The following ANKRD17 variants were observed in gnomAD, a reference collection of about 807,000 sequenced individuals.
The protein encoded by ANKRD17 is ankyrin repeat domain-containing protein 17.
Under a neutral mutation model 229.7 loss-of-function variants are expected in ANKRD17, and 19 were observed. The ratio of observed to expected loss-of-function variants is 0.08; its 90% CI spans 0.06 to 0.12. ANKRD17 has a LOEUF of 0.12. Ranked by LOEUF, ANKRD17 falls within the 10% of genes least tolerant of loss-of-function variation. The pLI is 1.00. For synonymous variants in ANKRD17, 1,112 were observed against 1,146.1 expected, an observed-to-expected ratio of 0.97 and a Z score of 0.60; for missense variants, 2,176 against 3,176.8, an observed-to-expected ratio of 0.68 and a Z score of 7.57.
chr4:73,073,990 TTTA>T lies in ANKRD17; in HGVS notation c.*2238_*2240del, dbSNP rs2110071090. On this transcript the variant is annotated 3_prime_UTR_variant, in exon 34 of 34. Coordinates refer to ENST00000358602, the MANE Select transcript of ANKRD17 (RefSeq NM_032217.5). ...ATGGTCTCAAAAAGTTATGGGTTTT[TTTA>T]TTGTTCAAATAAAAGTGCACTGCAT... 6.6e-6 allele frequency: 1 copy of T among 152,172 alleles called. No homozygotes were observed. Among genetic ancestry groups the T allele is most frequent in the South Asian group, 2.1e-4 (1 of 4,832 alleles). 9.4% of individuals were successfully genotyped at this position (152,172 alleles called of 1,614,324 possible). A position where few individuals can be genotyped will look rare whatever the true frequency, so the allele number is the denominator to read the frequency against.
Position 73,101,191 on chromosome 4 carries a change from C to T in ANKRD17, c.4573+1185G>A, listed in dbSNP as rs189861604. On this transcript the variant is annotated intron_variant, in intron 25 of 33. Coordinates refer to ENST00000358602, the MANE Select transcript of ANKRD17 (RefSeq NM_032217.5). Reference sequence around the variant, plus strand: ...ACCATCCCCTGTGGATATAAAGGGACAGGATTACTATACTTCCATCCCAAA... The same window carrying T: ...ACCATCCCCTGTGGATATAAAGGGATAGGATTACTATACTTCCATCCCAAA... 22 of 968,662 alleles carry T rather than the reference C, an allele frequency of 2.3e-5. 2 individuals carry two copies. The Admixed American group carries it at 1.4e-3, about 60-fold the overall frequency. 60.0% of individuals were successfully genotyped at this position (968,662 alleles called of 1,614,324 possible).
At chr4:73,085,486 C>T (rs1466121421) in intron 29 of ANKRD17, 40 bp from the exon 30 acceptor site, 1 of 1,529,482 alleles carries the variant, frequency 6.5e-7, no homozygotes, top group Middle Eastern at 1.8e-4. Flanking sequence ...AATAGTTACT[C>T]CTGCAAGAAA....
At chr4:73,246,964 A>G (rs185928472) in intron 1 of ANKRD17, among the ~76,000 whole-genome samples, 1 of 152,294 alleles carries the variant, frequency 6.6e-6, no homozygotes, top group East Asian at 1.9e-4. Flanking sequence ...AGAAGTCATA[A>G]AAGAATAATA....
At chr4:73,134,977 A>T in intron 16 of ANKRD17, 140 bp downstream of exon 16, 2 of 777,870 alleles carry the variant, frequency 2.6e-6, no homozygotes, top group Non-Finnish European at 3.8e-6. Flanking sequence ...TTAAATGTGA[A>T]CTTTAATTAA....
chr4:73,252,311 T>G (rs1359133106), intron 1 of ANKRD17, among the ~76,000 whole-genome samples: 1 of 152,038 alleles, frequency 6.6e-6, no homozygotes, highest in African/African-American at 2.4e-5. Flanking sequence ...GAAAAGAGAG[T>G]AGGCATAAGG....
At chr4:73,254,699 T>C (rs1166140950) in intron 1 of ANKRD17, among the ~76,000 whole-genome samples, 1 of 145,220 alleles carries the variant, frequency 6.9e-6, no homozygotes, top group Non-Finnish European at 1.5e-5. Flanking sequence ...ACCCGGGAGG[T>C]GGAAGTTGCA....
chr4:73,189,093 A>G (rs2149052049), intron 1 of ANKRD17, among the ~76,000 whole-genome samples: 1 of 152,322 alleles, frequency 6.6e-6, no homozygotes, highest in Non-Finnish European at 1.5e-5. Context: ...AAAATTACAT[A>G]GCATTATTAT....
intron 1 of ANKRD17, among the ~76,000 whole-genome samples, chr4:73,203,758 C>CAAAAAAAAAAAAAAAA (rs67020753): frequency 3.0e-4 from 25 of 82,122 alleles, no homozygotes; most frequent in Middle Eastern, 0.01. Context: ...GACTCCGTCT[C>CAAAAAAAAAAAAAAAA]AAAAAAAAAA....
At chr4:73,109,106 C>T (rs1724990122) in intron 24 of ANKRD17, among the ~76,000 whole-genome samples, 1 of 152,078 alleles carries the variant, frequency 6.6e-6, no homozygotes, top group South Asian at 2.1e-4. Context: ...TCGAGACCAG[C>T]CTGGCTAACA....
In ANKRD17 at chr4:73,076,304, G is replaced by T; in HGVS notation, c.7753-14C>A. ...TCCAGTCCACACCTATGAATATAGAGCATGCATTTTACAAAATATATATCT... is the reference window on the plus strand; with the variant it reads ...TCCAGTCCACACCTATGAATATAGATCATGCATTTTACAAAATATATATCT... On this transcript the variant is annotated splice_polypyrimidine_tract_variant and intron_variant, in intron 33 of 33. Coordinates refer to ENST00000358602, the MANE Select transcript of ANKRD17 (RefSeq NM_032217.5). The T allele has an allele frequency of 6.4e-7, 1 of 1,565,142 alleles. No homozygotes were observed. Among genetic ancestry groups the T allele is most frequent in the Non-Finnish European group, 8.6e-7 (1 of 1,158,346 alleles).
chr4:73,198,757 C>A (rs1282116197), intron 1 of ANKRD17, among the ~76,000 whole-genome samples: 2 of 151,964 alleles, frequency 1.3e-5, no homozygotes, highest in Admixed American at 6.6e-5. Context: ...GACATCTGGC[C>A]CCCACCACAG....
rs189319874 is a variant in ANKRD17 at position 73,113,708 on chromosome 4, A to T, written c.4401+84T>A. The T allele has an allele frequency of 3.2e-5, 35 of 1,107,280 alleles. No homozygotes were observed. The African/African-American group carries it at 4.4e-4, about 14-fold the overall frequency. 68.6% of individuals were successfully genotyped at this position (1,107,280 alleles called of 1,614,324 possible). ...CGTAATTTAAAGCAAACAAAACAAA[A>T]CAAAAAGACGGATTACAAATCAAAA... On this transcript the variant is annotated intron_variant, in intron 24 of 33. Transcript: ENST00000358602.
chr4:73,246,604 T>C (rs1222435200), intron 1 of ANKRD17, among the ~76,000 whole-genome samples: 2 of 152,158 alleles, frequency 1.3e-5, no homozygotes, highest in Non-Finnish European at 2.9e-5. Flanking sequence ...CACTGGTATA[T>C]AGATATGTAA....
intron 2 of ANKRD17, among the ~76,000 whole-genome samples, chr4:73,169,649 C>T (rs576893675): frequency 6.6e-6 from 1 of 152,274 alleles, no homozygotes; most frequent in East Asian, 1.9e-4. Context: ...TTTGACTTCG[C>T]ATTGCTGAAA....
chr4:73,164,765 C>T (rs1733007857), intron 2 of ANKRD17, among the ~76,000 whole-genome samples: 1 of 150,480 alleles, frequency 6.6e-6, no homozygotes, highest in South Asian at 2.1e-4. Context: ...GCACTCCAGG[C>T]TGGGCGACAA....
chr4:73,239,846 T>G (rs1743849226), intron 1 of ANKRD17, among the ~76,000 whole-genome samples: 1 of 152,120 alleles, frequency 6.6e-6, no homozygotes, highest in African/African-American at 2.4e-5. Context: ...TTTAGACAAG[T>G]TTGGTTTAAA....
At chr4:73,256,293 CAA>C (rs1410023098) in intron 1 of ANKRD17, among the ~76,000 whole-genome samples, 1 of 152,144 alleles carries the variant, frequency 6.6e-6, no homozygotes, top group African/African-American at 2.4e-5. Flanking sequence ...TTCCAATGGA[CAA>C]AACTACCTAG....
At chr4:73,110,123 TATATCAAAA>T (rs1725134224) in intron 24 of ANKRD17, among the ~76,000 whole-genome samples, 1 of 151,034 alleles carries the variant, frequency 6.6e-6, no homozygotes, top group Non-Finnish European at 1.5e-5. Flanking sequence ...GTGAAATAAT[TATATCAAAA>T]ATGTAAGTTT....
intron 1 of ANKRD17, among the ~76,000 whole-genome samples, chr4:73,184,528 C>CAAAAAAAAAAAAA (rs776930137): frequency 3.7e-3 from 111 of 29,892 alleles, no homozygotes; most frequent in Non-Finnish European, 4.5e-3. Flanking sequence ...GACTTCCTCT[C>CAAAAAAAAAAAAA]AAAAAAAAAA....
Sources: gnomAD v4.1 joint callset for allele counts (sites outside exome capture counted in the v4.1 genomes callset) on GRCh38, gnomAD v4.1.1 for gene constraint, MANE v1.5 for transcripts, NCBI Gene and HGNC (gene_info 2026-07-23, HGNC 2026-07-21) for gene names.